Variants in ANK3 observed in about 807,000 individuals in gnomAD.
The protein encoded by ANK3 is ankyrin-3.
ANK3 carries 57 observed loss-of-function variants against 370.9 expected under a neutral mutation model. The observed-to-expected ratio is 0.15, with a 90% CI of 0.12 to 0.19. The LOEUF is 0.19. Among genes scored for constraint, ANK3 ranks in the 10% least tolerant of loss-of-function variants. The probability of loss-of-function intolerance (pLI) is 1.00; values close to 1 mark genes in which losing one functional copy is unlikely to be tolerated. For missense variants in ANK3, 4,439 were observed against 5,302.1 expected, an observed-to-expected ratio of 0.84 and a Z score of 5.06; for synonymous variants, 1,929 against 1,946.3, an observed-to-expected ratio of 0.99 and a Z score of 0.23.
intron 2 of ANK3, among the ~76,000 whole-genome samples, chr10:60,415,831 C>T (rs926271093): frequency 2.0e-5 from 3 of 148,926 alleles, no homozygotes; most frequent in Non-Finnish European, 4.4e-5. Context: ...AGTTCCTGTT[C>T]ATTCAGATAC....
chr10:60,518,321 A>C (rs1485022359), intron 2 of ANK3, among the ~76,000 whole-genome samples: 1 of 152,162 alleles, frequency 6.6e-6, no homozygotes, highest in Non-Finnish European at 1.5e-5. Context: ...AGATGCTCCC[A>C]GTGACACGTA....
At chr10:60,394,469 C>A (rs2063174841), upstream of ANK3, among the ~76,000 whole-genome samples, 1 of 152,018 alleles carries the variant, frequency 6.6e-6, no homozygotes, top group Non-Finnish European at 1.5e-5. Flanking sequence ...GCCCTCTTTC[C>A]CCATCTATCT....
At position 60,055,823 on chromosome 10, in the gene ANK3, T is replaced by C. The variant is rs768648977; in HGVS notation, c.12900A>G (p.Leu4300=). ...CTTCTAGAGATTTCTGATATGCTGC[T>C]AGTGGTGATGCTGGTTCTTCAACAT... ...SGHVEEPASP[L]AAYQKSLEET... is the part of the protein sequence containing the mutation. Residue 4300 remains leucine (L), a synonymous_variant, in exon 42 of 44, where the codon CTA becomes CTG. Coordinates refer to ENST00000280772, the MANE Select transcript of ANK3 (RefSeq NM_020987.5). 5 of 1,614,094 alleles carry C rather than the reference T, an allele frequency of 3.1e-6. No homozygotes were observed. In the African/African-American group the frequency reaches 5.3e-5, roughly 17 times the overall value.
chr10:60,590,150 G>A (rs2133291225), intron 2 of ANK3, among the ~76,000 whole-genome samples: 1 of 152,246 alleles, frequency 6.6e-6, no homozygotes, highest in Non-Finnish European at 1.5e-5. Context: ...CCAACTCTTG[G>A]AATCCAGTAA....
intron 18 of ANK3, among the ~76,000 whole-genome samples, chr10:60,178,989 G>A (rs2096063527): frequency 6.6e-6 from 1 of 152,094 alleles, no homozygotes; most frequent in African/African-American, 2.4e-5. Context: ...CTGTTACCAG[G>A]ATTTTCTAGT....
At position 60,503,116 on chromosome 10, in the gene ANK3, G is replaced by T. The variant is rs545153585; in HGVS notation, c.96+112070C>A. ...TAAACAATCAGCAAGTAGGTTGAATGGATTCTGTTGACATGCTGCTCTTTA... is the reference window on the plus strand; with the variant it reads ...TAAACAATCAGCAAGTAGGTTGAATTGATTCTGTTGACATGCTGCTCTTTA... On this transcript the variant is annotated intron_variant, in intron 2 of 43. Coordinates refer to the ANK3 transcript ENST00000373827. Among the ~76,000 whole-genome samples the T allele has an allele frequency of 1.1e-4, 16 of 152,248 alleles. No homozygotes were observed. The South Asian group carries it at 2.5e-3, about 24-fold the overall frequency.
At chr10:60,051,631 C>A in intron 42 of ANK3, 38 of 440,360 alleles carry the variant, frequency 8.6e-5, no homozygotes, top group Non-Finnish European at 1.1e-4. Flanking sequence ...GAAGGGAAAT[C>A]AAGAAAGAAT....
chr10:60,314,801 T>G (rs1383499228), intron 1 of ANK3, among the ~76,000 whole-genome samples: 1 of 152,214 alleles, frequency 6.6e-6, no homozygotes, highest in Non-Finnish European at 1.5e-5. Flanking sequence ...TAAATCTGGA[T>G]GTTTTAAAAT....
chr10:60,511,273 C>A (rs2133162747), intron 2 of ANK3, among the ~76,000 whole-genome samples: 1 of 152,196 alleles, frequency 6.6e-6, no homozygotes, highest in South Asian at 2.1e-4. Flanking sequence ...AACAGGTCTG[C>A]AATGGGTATT....
Position 60,652,840 on chromosome 10 carries a change from C to G in ANK3, c.58-37616G>C, listed in dbSNP as rs564869357. On this transcript the variant is annotated intron_variant, in intron 1 of 43. Coordinates refer to the ANK3 transcript ENST00000373827. ...TATCAAAAACTATACTACAGAAAGA[C>G]TGGGCAAGGGCTCTCTAGAGACCAG... Among the ~76,000 whole-genome samples, 3 of 152,184 alleles carry G rather than the reference C, an allele frequency of 2.0e-5. No individual in the cohort carries two copies. In the South Asian group the frequency reaches 6.2e-4, roughly 32 times the overall value.
chr10:60,211,971 AAAG>A (rs1307083142), intron 9 of ANK3, among the ~76,000 whole-genome samples: 1 of 152,036 alleles, frequency 6.6e-6, no homozygotes. Context: ...AACTAAATTA[AAAG>A]AAAAGTTATC....
intron 28 of ANK3, among the ~76,000 whole-genome samples, chr10:60,103,717 T>C (rs545030596): frequency 2.6e-5 from 4 of 152,340 alleles, no homozygotes; most frequent in African/African-American, 9.6e-5. Flanking sequence ...TCTAGTGGAC[T>C]CCAGTACTTG....
rs78156139 is a variant in ANK3, at chr10:60,607,292, T to C, written c.96+7894A>G. On this transcript the variant is annotated intron_variant, in intron 2 of 43. Transcript: ENST00000373827. ...GATAGATAACCAGAGCTCAAAGAGG[T>C]AAAGTGTCTAGCCCAGGGACACACA... Among the ~76,000 whole-genome samples, 310 of 152,174 alleles carry C rather than the reference T, an allele frequency of 2.0e-3. 1 individual carries two copies. Among genetic ancestry groups the C allele is most frequent in the African/African-American group, 7.0e-3 (290 of 41,524 alleles).
chr10:60,530,943 C>A (rs1425321628), intron 2 of ANK3, among the ~76,000 whole-genome samples: 1 of 152,120 alleles, frequency 6.6e-6, no homozygotes, highest in African/African-American at 2.4e-5. Context: ...CCCTTCCTTA[C>A]ACAAGAGAAC....
chr10:60,082,591 A>G, intron 34 of ANK3, 24 bp downstream of exon 34: 6 of 1,609,638 alleles, frequency 3.7e-6, no homozygotes, highest in Non-Finnish European at 4.2e-6. Context: ...GGGAAAGACA[A>G]TTTAAAGCAG....
At chr10:60,454,682 C>T (rs751263299) in intron 2 of ANK3, among the ~76,000 whole-genome samples, 1 of 152,130 alleles carries the variant, frequency 6.6e-6, no homozygotes, top group Non-Finnish European at 1.5e-5. Context: ...AAGGGTTCTG[C>T]TGTTCAATTT....
At chr10:60,445,021 GT>G (rs772533242) in intron 2 of ANK3, among the ~76,000 whole-genome samples, 46 of 152,110 alleles carry the variant, frequency 3.0e-4, no homozygotes, top group Non-Finnish European at 5.9e-4. Context: ...TTGAGAGAGA[GT>G]TTTATCCTTT....
At position 60,426,497 on chromosome 10, in the gene ANK3, T is replaced by C. The variant is rs2063891008; in HGVS notation, c.97-146858A>G. Among the ~76,000 whole-genome samples the C allele has an allele frequency of 2.0e-5, 3 of 152,108 alleles. No individual in the cohort carries two copies. The South Asian group carries it at 6.2e-4, about 32-fold the overall frequency. On this transcript the variant is annotated intron_variant, in intron 2 of 43. Coordinates refer to the ANK3 transcript ENST00000373827. ...CTTACAATTTCTTTAATCCCAATAA[T>C]TTAGATTGAACTCATGGGCAGGAGA...
intron 2 of ANK3, among the ~76,000 whole-genome samples, chr10:60,401,094 A>T (rs890389354): frequency 2.6e-5 from 4 of 152,244 alleles, no homozygotes; most frequent in African/African-American, 9.6e-5. Context: ...AAGAACAAAA[A>T]ATATACATTA....
Sources: gnomAD v4.1 joint callset for allele counts (sites outside exome capture counted in the v4.1 genomes callset) on GRCh38, gnomAD v4.1.1 for gene constraint, MANE v1.5 for transcripts, NCBI Gene and HGNC (gene_info 2026-07-23, HGNC 2026-07-21) for gene names.